SORCS1: variants seen among roughly 807,000 people sequenced by gnomAD.
SORCS1 encodes the protein VPS10 domain-containing receptor SorCS1.
A neutral mutation model predicts 146.1 loss-of-function variants in SORCS1; 60 were observed. That is an observed-to-expected ratio of 0.41 (90% CI 0.33 to 0.51). SORCS1 has a LOEUF of 0.51. Among genes scored for constraint, SORCS1 ranks in the 20% least tolerant of loss-of-function variants. The pLI is 0.21. For missense variants in SORCS1, 1,352 were observed against 1,487.6 expected (o/e 0.91, Z 1.50); for synonymous variants, 637 against 584.0 (o/e 1.09, Z -1.31).
chr10:106,921,062 C>T (rs1952687339), intron 2 of SORCS1, among the ~76,000 whole-genome samples: 1 of 152,186 alleles, frequency 6.6e-6, no homozygotes, highest in Non-Finnish European at 1.5e-5. Flanking sequence ...AGGTGGTCAG[C>T]TCTTGCCTCT....
At chr10:107,061,612 C>T (rs1325942765) in intron 1 of SORCS1, among the ~76,000 whole-genome samples, 3 of 152,100 alleles carry the variant, frequency 2.0e-5, no homozygotes, top group Non-Finnish European at 4.4e-5. Flanking sequence ...TTCCTTTTTG[C>T]CTTTTGTGAA....
chr10:106,895,421 A>G (rs1951429574), intron 2 of SORCS1, among the ~76,000 whole-genome samples: 1 of 152,080 alleles, frequency 6.6e-6, no homozygotes, highest in Non-Finnish European at 1.5e-5. Context: ...GACCAGCCTG[A>G]CAAACATGGT....
At chr10:106,620,317 C>A in intron 20 of SORCS1, 111 bp downstream of exon 20, 1 of 1,392,242 alleles carries the variant, frequency 7.2e-7, no homozygotes, top group South Asian at 1.5e-5. Context: ...GTCCTTGAAG[C>A]TACAACTGCT....
At chr10:106,935,897 C>G (rs1953686442) in intron 2 of SORCS1, among the ~76,000 whole-genome samples, 6 of 152,150 alleles carry the variant, frequency 3.9e-5, no homozygotes, top group Admixed American at 3.3e-4. Context: ...GTAGGTGAAG[C>G]TATTTCAATT....
At chr10:107,141,586 A>T (rs1388609822) in intron 1 of SORCS1, among the ~76,000 whole-genome samples, 1 of 151,504 alleles carries the variant, frequency 6.6e-6, no homozygotes, top group African/African-American at 2.5e-5. Context: ...TACTGTTCCT[A>T]GTCTGTGTGT....
At chr10:107,017,440 G>A (rs1222784023) in intron 1 of SORCS1, among the ~76,000 whole-genome samples, 1 of 152,100 alleles carries the variant, frequency 6.6e-6, no homozygotes, top group Non-Finnish European at 1.5e-5. Context: ...TTTACAAATG[G>A]AACAAAAACA....
intron 22 of SORCS1, among the ~76,000 whole-genome samples, chr10:106,609,345 G>A (rs1846819012): frequency 1.3e-5 from 2 of 152,222 alleles, no homozygotes; most frequent in Non-Finnish European, 1.5e-5. Context: ...AGATTTCATT[G>A]TGAAATGTCA....
At chr10:106,969,430 C>T (rs1164006456) in intron 1 of SORCS1, among the ~76,000 whole-genome samples, 1 of 152,114 alleles carries the variant, frequency 6.6e-6, no homozygotes, top group Non-Finnish European at 1.5e-5. Flanking sequence ...ATATCATTTG[C>T]TGATTTTGTC....
At chr10:107,042,098 A>G (rs1440597419) in intron 1 of SORCS1, among the ~76,000 whole-genome samples, 1 of 152,212 alleles carries the variant, frequency 6.6e-6, no homozygotes, top group African/African-American at 2.4e-5. Context: ...ACTCTTAAGC[A>G]CATCTCCTGT....
At chr10:107,039,483 A>T (rs1342054379) in intron 1 of SORCS1, among the ~76,000 whole-genome samples, 2 of 152,188 alleles carry the variant, frequency 1.3e-5, no homozygotes, top group African/African-American at 4.8e-5. Flanking sequence ...CTTTAGCATG[A>T]GCCAAAGTCA....
chr10:107,165,377 C>T (rs1341204149), upstream of SORCS1, among the ~76,000 whole-genome samples: 1 of 151,372 alleles, frequency 6.6e-6, no homozygotes, highest in Non-Finnish European at 1.5e-5. This position sits in a 1 kb window ranked among gnomAD's most constrained non-coding sequence, Gnocchi z 4.0. Context: ...TCTCTCCTAA[C>T]CTCCTAAAGC....
At chr10:106,816,671 G>C (rs1003288301) in intron 3 of SORCS1, among the ~76,000 whole-genome samples, 1 of 152,096 alleles carries the variant, frequency 6.6e-6, no homozygotes, top group Non-Finnish European at 1.5e-5. Flanking sequence ...AATTGAAAAT[G>C]ATTGGTAATT....
chr10:106,717,034 C>A (rs546835014), intron 6 of SORCS1, among the ~76,000 whole-genome samples: 1 of 152,284 alleles, frequency 6.6e-6, no homozygotes, highest in Non-Finnish European at 1.5e-5. Flanking sequence ...GCACCAAATA[C>A]TTTAATTTTC....
intron 3 of SORCS1, among the ~76,000 whole-genome samples, chr10:106,801,414 T>C (rs557147654): frequency 1.3e-5 from 2 of 152,026 alleles, no homozygotes; most frequent in South Asian, 4.2e-4. Context: ...ATCACAGTAA[T>C]AGCAAACATT....
In SORCS1 at chr10:106,951,401, T is replaced by C. The variant is rs544859097; in HGVS notation, c.626+5112A>G. On this transcript the variant is annotated intron_variant, in intron 2 of 25. Transcript: ENST00000263054. ...GGCGGGCATCTGTAGTCTCAGCTAC[T>C]AGGGAGGCTGAAGCAAGAGAATGGC... Among the ~76,000 whole-genome samples, 73 of 151,142 alleles carry C rather than the reference T, an allele frequency of 4.8e-4. No homozygotes were observed. In the Middle Eastern group the frequency reaches 0.031, roughly 64 times the overall value.
At chr10:106,778,363 G>T (rs980833440) in intron 3 of SORCS1, among the ~76,000 whole-genome samples, 2 of 152,194 alleles carry the variant, frequency 1.3e-5, no homozygotes, top group Middle Eastern at 3.4e-3. Context: ...TTCCAGGAAA[G>T]CCACTGCCCA....
At chr10:107,139,494 G>C (rs1330269602) in intron 1 of SORCS1, among the ~76,000 whole-genome samples, 1 of 152,170 alleles carries the variant, frequency 6.6e-6, no homozygotes, top group Non-Finnish European at 1.5e-5. Context: ...AATTCTAGGG[G>C]ATGCCAGAGA....
intron 10 of SORCS1, among the ~76,000 whole-genome samples, chr10:106,681,648 G>A (rs1008802843): frequency 1.3e-5 from 2 of 152,074 alleles, no homozygotes; most frequent in Admixed American, 6.5e-5. Flanking sequence ...TACTGCTTGC[G>A]GATTATCCCT....
chr10:107,015,373 G>A (rs923024320), intron 1 of SORCS1, among the ~76,000 whole-genome samples: 8 of 152,136 alleles, frequency 5.3e-5, no homozygotes, highest in Non-Finnish European at 1.0e-4. Flanking sequence ...AGGGCAAGGA[G>A]GTTTAAAGTG....
Sources: gnomAD v4.1 joint callset for allele counts (sites outside exome capture counted in the v4.1 genomes callset) on GRCh38, gnomAD v4.1.1 for gene constraint, Gnocchi (gnomAD v3.1) non-coding constraint, MANE v1.5 for transcripts, NCBI Gene and HGNC (gene_info 2026-07-23, HGNC 2026-07-21) for gene names.